PKHD1L1: variants seen among roughly 807,000 people sequenced by gnomAD.
The protein encoded by PKHD1L1 is fibrocystin-L.
Under a neutral mutation model 462.9 loss-of-function variants are expected in PKHD1L1, and 434 were observed. The observed-to-expected ratio is 0.94, with a 90% CI of 0.87 to 1.02. The LOEUF (loss-of-function observed/expected upper bound fraction) is 1.02, where lower values mean the gene tolerates loss of function less well. PKHD1L1 is among the 50% of genes least tolerant of loss of function. The pLI is 0.00. For missense variants in PKHD1L1, 5,202 were observed against 5,096.1 expected (o/e 1.02, Z -0.63); for synonymous variants, 1,781 against 1,750.0 (o/e 1.02, Z -0.44).
chr8:109,435,134 A>AT, intron 28 of PKHD1L1, 56 bp from the exon 29 acceptor site: 1 of 1,574,756 alleles, frequency 6.4e-7, no homozygotes, highest in Admixed American at 1.7e-5. Flanking sequence ...CATAACTTTT[A>AT]TCTCATAAAA....
chr8:109,394,307 C>A, intron 9 of PKHD1L1, 108 bp from the exon 10 acceptor site: 1 of 603,074 alleles, frequency 1.7e-6, no homozygotes, highest in Non-Finnish European at 2.8e-6. Context: ...CCCAAAAGTT[C>A]CATCGTGCTC....
Position 109,454,827 on chromosome 8 carries a change from G to A in PKHD1L1, c.6849G>A (p.Val2283=). The A allele has an allele frequency of 6.2e-7, 1 of 1,613,786 alleles. No individual in the cohort carries two copies. Among genetic ancestry groups the A allele is most frequent in the Non-Finnish European group, 8.5e-7 (1 of 1,179,748 alleles). Residue 2283 remains valine, a synonymous_variant, in exon 45 of 78, where the codon GTG becomes GTA. Transcript: ENST00000378402. ...TCTATGGTGCCAAAACACTGGCTGT[G>A]CGGGAGGGAATCCTGGATCTGCACG... ...LPVYGAKTLA[V]REGILDLHGV...
chr8:109,468,675 A>G (rs1387141218), intron 50 of PKHD1L1, among the ~76,000 whole-genome samples: 2 of 152,224 alleles, frequency 1.3e-5, no homozygotes, highest in Non-Finnish European at 2.9e-5. Context: ...AGACTCATCC[A>G]TCACTTGCCC....
intron 50 of PKHD1L1, chr8:109,471,237 G>C: frequency 1.8e-6 from 1 of 564,678 alleles, no homozygotes; most frequent in Non-Finnish European, 2.8e-6. Flanking sequence ...AGGGTTTTAT[G>C]AGTTCTTCTT....
At position 109,497,080 on chromosome 8, in the gene PKHD1L1, A is replaced by G; in HGVS notation, c.10476+13A>G. The stretch of plus-strand genomic sequence containing the variant: ...AATTTATTTTCAGGTAATTATGATT[A>G]AAGATGGTGATTGTTTATTTTCTTT... On this transcript the variant is annotated intron_variant, in intron 64 of 77. Coordinates refer to ENST00000378402, the MANE Select transcript of PKHD1L1 (RefSeq NM_177531.6). 1 of 1,612,888 alleles carries G rather than the reference A, an allele frequency of 6.2e-7. No individual in the cohort carries two copies.
intron 55 of PKHD1L1, chr8:109,480,588 G>A (rs1400897089): frequency 5.3e-5 from 24 of 455,154 alleles, no homozygotes; most frequent in Middle Eastern, 3.2e-4. Context: ...ACAGTTATTC[G>A]GAACAATCCC....
At chr8:109,441,942 T>C (rs1815815708) in intron 34 of PKHD1L1, 65 bp from the exon 35 acceptor site, 23 of 1,368,164 alleles carry the variant, frequency 1.7e-5, no homozygotes, top group East Asian at 2.6e-5. Flanking sequence ...ATTGCCATGT[T>C]GTCAAAGATA....
intron 67 of PKHD1L1, among the ~76,000 whole-genome samples, chr8:109,503,706 A>G (rs1356370311): frequency 6.6e-6 from 1 of 152,236 alleles, no homozygotes; most frequent in Non-Finnish European, 1.5e-5. Flanking sequence ...TAGCTGGATA[A>G]CAAACAACCC....
At chr8:109,419,033 C>A in intron 21 of PKHD1L1, 64 bp from the exon 22 acceptor site, 1 of 1,364,250 alleles carries the variant, frequency 7.3e-7, no homozygotes, top group African/African-American at 1.4e-5. Context: ...TTAATGCTTT[C>A]TAAAGTGTAT....
rs769711633 is a variant in PKHD1L1, at chr8:109,534,258, C to A, written c.*4168C>A. Among the ~76,000 whole-genome samples the A allele has an allele frequency of 1.2e-4, 19 of 152,298 alleles. No individual in the cohort carries two copies. The highest frequency in any genetic ancestry group is 5.9e-4 in the Admixed American group (9 of 15,296). ...CAGGCGGATCACGAGGTCAGGAGAT[C>A]GAGACTATCCTGGCTAACACAGTGA... On this transcript the variant is annotated 3_prime_UTR_variant, in exon 78 of 78. Coordinates refer to ENST00000378402, the MANE Select transcript of PKHD1L1 (RefSeq NM_177531.6).
chr8:109,510,487 A>G (rs1218620207), intron 70 of PKHD1L1, among the ~76,000 whole-genome samples: 1 of 152,184 alleles, frequency 6.6e-6, no homozygotes, highest in Non-Finnish European at 1.5e-5. Context: ...TATTTCTATC[A>G]GTGACCTTCC....
intron 8 of PKHD1L1, 120 bp from the exon 9 acceptor site, chr8:109,390,332 G>T: frequency 2.1e-6 from 1 of 486,188 alleles, no homozygotes; most frequent in Non-Finnish European, 3.5e-6. Context: ...ATATAAAATT[G>T]GATAAATACA....
Position 109,396,147 on chromosome 8 carries a change from A to T in PKHD1L1, c.922+10A>T. ...AGAGTTCTAGTTGGAGGTATTTCTC[A>T]TGGTTTTTGATATATTACTTTATTA... On this transcript the variant is annotated intron_variant, in intron 11 of 77. Transcript: ENST00000378402. 6.4e-7 allele frequency: 1 copy of T among 1,564,774 alleles called. No homozygotes were observed. Among genetic ancestry groups the T allele is most frequent in the Non-Finnish European group, 8.7e-7 (1 of 1,144,034 alleles).
At chr8:109,522,990 G>T in intron 75 of PKHD1L1, 100 bp downstream of exon 75, 1 of 1,259,160 alleles carries the variant, frequency 7.9e-7, no homozygotes, top group South Asian at 1.6e-5. Context: ...GCAGCCTGAG[G>T]ATCACACGGC....
intron 10 of PKHD1L1, among the ~76,000 whole-genome samples, chr8:109,395,682 G>GATTC (rs1221965216): frequency 4.6e-5 from 7 of 152,154 alleles, no homozygotes; most frequent in African/African-American, 7.2e-5. Flanking sequence ...ACATAGGAAA[G>GATTC]ATTCATTCTT....
chr8:109,383,209 ATAATATAAT>A (rs1390160877), intron 4 of PKHD1L1, among the ~76,000 whole-genome samples: 4 of 86,544 alleles, frequency 4.6e-5, no homozygotes, highest in African/African-American at 1.6e-4. Context: ...TATATATTAT[ATAATATAAT>A]TATATATTAT....
At position 109,502,946 on chromosome 8, in the gene PKHD1L1, A is replaced by G. The variant is rs1241318982; in HGVS notation, c.10829-1381A>G. On this transcript the variant is annotated intron_variant, in intron 67 of 77. Coordinates refer to ENST00000378402, the MANE Select transcript of PKHD1L1 (RefSeq NM_177531.6). The stretch of plus-strand genomic sequence containing the variant: ...TAGTTAGGCATAGCTACTTGTGGTA[A>G]TGGACGGGAGTACATAATCTCTCAG... Among the ~76,000 whole-genome samples, 4 of 152,314 alleles carry G rather than the reference A, an allele frequency of 2.6e-5. No homozygotes were observed. In the East Asian group the frequency reaches 7.7e-4, roughly 29 times the overall value.
chr8:109,410,593 G>A (rs533494680), intron 19 of PKHD1L1, among the ~76,000 whole-genome samples: 2 of 151,900 alleles, frequency 1.3e-5, no homozygotes, highest in African/African-American at 4.8e-5. Flanking sequence ...ATCCACCCCC[G>A]TGATCAAATC....
At chr8:109,529,432 T>A (rs1820970046) in intron 77 of PKHD1L1, among the ~76,000 whole-genome samples, 1 of 152,192 alleles carries the variant, frequency 6.6e-6, no homozygotes. Flanking sequence ...TAATTAATTT[T>A]ATTTTTTTCT....
Sources: gnomAD v4.1 joint callset for allele counts (sites outside exome capture counted in the v4.1 genomes callset) on GRCh38, gnomAD v4.1.1 for gene constraint, MANE v1.5 for transcripts, NCBI Gene and HGNC (gene_info 2026-07-23, HGNC 2026-07-21) for gene names.